Variants in ZNF500 observed in about 807,000 individuals in gnomAD.
The protein encoded by ZNF500 is zinc finger protein 500, also known as zinc finger protein with KRAB and SCAN domains 18.
A neutral mutation model predicts 30.1 loss-of-function variants in ZNF500; 31 were observed. That is an observed-to-expected ratio of 1.03 (90% CI 0.77 to 1.39). ZNF500 has a LOEUF of 1.39. ZNF500 is among the 40% of genes most tolerant of loss of function. ZNF500 has a pLI of 0.00. For synonymous variants in ZNF500, 392 were observed against 282.0 expected, an observed-to-expected ratio of 1.39 and a Z score of -3.91; for missense variants, 817 against 657.8, an observed-to-expected ratio of 1.24 and a Z score of -2.65.
chr16:4,762,782 C>A, intron 2 of ZNF500, 26 bp from the exon 3 acceptor site: 4 of 1,558,178 alleles, frequency 2.6e-6, no homozygotes, highest in East Asian at 2.3e-5. Flanking sequence ...GATCTCCCCA[C>A]CAGCTCCCAG....
chr16:4,756,843 A>T (rs2082140099), intron 5 of ZNF500, among the ~76,000 whole-genome samples: 1 of 152,058 alleles, frequency 6.6e-6, no homozygotes, highest in Non-Finnish European at 1.5e-5. Context: ...TTAGCTGGGC[A>T]TGGTGGCATT....
rs900611660 is a variant in ZNF500, at chr16:4,752,889, G to A, written c.930C>T (p.Gly310=). 2 of 1,613,924 alleles carry A rather than the reference G, an allele frequency of 1.2e-6. No individual in the cohort carries two copies. Among genetic ancestry groups the A allele is most frequent in the East Asian group, 2.2e-5 (1 of 44,876 alleles). The change falls in exon 6 of 6, where the codon GGC becomes GGT. Residue 310 remains glycine, a synonymous_variant. Transcript: ENST00000219478. ...GLVRPDQPRG[G]PPPGRRASHG... ...GGGAAGCCCGTCTTCCTGGTGGGGG[G>A]CCGCCTCTTGGCTGATCAGGCCTGA...
At chr16:4,754,974 C>G (rs2082121656) in intron 5 of ZNF500, among the ~76,000 whole-genome samples, 1 of 152,180 alleles carries the variant, frequency 6.6e-6, no homozygotes, top group Non-Finnish European at 1.5e-5. Flanking sequence ...AGCGGCACCT[C>G]CCCTCGCTCC....
intron 5 of ZNF500, among the ~76,000 whole-genome samples, chr16:4,756,039 C>A (rs556183999): frequency 6.6e-6 from 1 of 152,188 alleles, no homozygotes; most frequent in South Asian, 2.1e-4. Context: ...CTGCCAGAGG[C>A]TAGGGGAGGG....
rs1357921996 is a variant in ZNF500 at position 4,762,302 on chromosome 16, G to A, written c.632C>T (p.Ser211Leu). The change falls in exon 4 of 6, where the codon TCA becomes TTA. Residue 211 changes from serine to leucine, a missense_variant. By Grantham distance (145) the Ser-to-Leu change is moderately radical (BLOSUM62 -2). Coordinates refer to ENST00000219478, the MANE Select transcript of ZNF500 (RefSeq NM_021646.4). ...PPAPRHQEMA[S>L]ASPFLSAWSQ... ...CCAGGCCGAAAGGAAGGGCGAGGCT[G>A]ACGCCATCTCCTGATGCCGGGGAGC... 1 of 1,611,244 alleles carries A rather than the reference G, an allele frequency of 6.2e-7. No homozygotes were observed. Among genetic ancestry groups the A allele is most frequent in the Non-Finnish European group, 8.5e-7 (1 of 1,178,824 alleles).
intron 5 of ZNF500, among the ~76,000 whole-genome samples, chr16:4,759,252 T>C (rs1292420356): frequency 6.7e-6 from 1 of 149,664 alleles, no homozygotes; most frequent in Non-Finnish European, 1.5e-5. Flanking sequence ...CAACCATTGG[T>C]ATGGATGTGG....
chr16:4,747,592 G>C, downstream of ZNF500: 1 of 1,610,396 alleles, frequency 6.2e-7, no homozygotes, highest in Non-Finnish European at 8.5e-7. Flanking sequence ...GGGCAGCCAG[G>C]GAGGCCCTGA....
chr16:4,758,136 G>A (rs568497002), intron 5 of ZNF500, among the ~76,000 whole-genome samples: 1 of 152,146 alleles, frequency 6.6e-6, no homozygotes, highest in South Asian at 2.1e-4. Context: ...GACCTCAGGT[G>A]ATAAACACTC....
chr16:4,746,402 G>C, downstream of ZNF500: 1 of 1,613,020 alleles, frequency 6.2e-7, no homozygotes. Context: ...AGGGCTCCCA[G>C]GCTGGGCCAG....
At position 4,765,760 on chromosome 16, in the gene ZNF500, C is replaced by T. The variant is rs755423775; in HGVS notation, c.219G>A (p.Glu73=). ...GPREALSRLW[E]LCCRWLRPEL... is the part of the protein sequence containing the mutation. Reference sequence around the variant, plus strand: ...CCGGCCGCAGCCAGCGGCAGCACAGCTCCCAGAGGCGGCTCAGGGCCTCCC... The same window carrying T: ...CCGGCCGCAGCCAGCGGCAGCACAGTTCCCAGAGGCGGCTCAGGGCCTCCC... The change falls in exon 2 of 6, where the codon GAG becomes GAA. Residue 73 remains glutamate (E), a synonymous_variant. Transcript: ENST00000219478. 6.2e-7 allele frequency: 1 copy of T among 1,613,000 alleles called. No homozygotes were observed. Among genetic ancestry groups the T allele is most frequent in the Non-Finnish European group, 8.5e-7 (1 of 1,179,874 alleles).
At position 4,752,674 on chromosome 16, in the gene ZNF500, G is replaced by A. The variant is rs143815276; in HGVS notation, c.1145C>T (p.Pro382Leu). Reference protein sequence around the residue: ...QRVHTGEKPYPCPECGKRFSQ... With the variant: ...QRVHTGEKPYLCPECGKRFSQ... ...GAAGCGCTTCCCACACTCGGGGCAC[G>A]GGTAGGGCTTCTCGCCTGTGTGCAC... The change falls in exon 6 of 6, where the codon CCG (proline) becomes CTG (leucine). Residue 382 changes from proline to leucine, a missense_variant. Physicochemically the swap from Pro to Leu is moderately conservative, Grantham distance 98. Transcript: ENST00000219478. 1.2e-4 allele frequency: 191 copies of A among 1,613,888 alleles called. No homozygotes were observed. In the African/African-American group the frequency reaches 1.3e-3, roughly 11 times the overall value.
chr16:4,755,068 A>C (rs1281955995), intron 5 of ZNF500, among the ~76,000 whole-genome samples: 1 of 152,204 alleles, frequency 6.6e-6, no homozygotes. Flanking sequence ...GGCCTCCCCA[A>C]AAGCTGAGCA....
In ZNF500 at chr16:4,752,374, G is replaced by A; in HGVS notation, c.*2C>T. ...CTGGAAAGGGAGTTTCAGGCCTGGT[G>A]ATCAGGCTTTGGCACCGGGGCCTCC... On this transcript the variant is annotated 3_prime_UTR_variant, in exon 6 of 6. Coordinates refer to ENST00000219478, the MANE Select transcript of ZNF500 (RefSeq NM_021646.4). 2 of 1,486,556 alleles carry A rather than the reference G, an allele frequency of 1.3e-6. No individual in the cohort carries two copies. The highest frequency in any genetic ancestry group is 2.4e-5 in the Admixed American group (1 of 42,050). The allele number at this position is 1,486,556 out of a possible 1,614,324, so 92.1% of individuals were successfully genotyped here.
At chr16:4,747,523 C>A (rs752865697), downstream of ZNF500, 4 of 1,612,974 alleles carry the variant, frequency 2.5e-6, no homozygotes, top group Non-Finnish European at 2.5e-6. Flanking sequence ...AGGGGCAGAG[C>A]GCCCAGGCTC....
chr16:4,751,431 G>C lies in ZNF500; in HGVS notation c.*945C>G. 2.7e-6 allele frequency: 2 copies of C among 731,396 alleles called. No individual in the cohort carries two copies. The highest frequency in any genetic ancestry group is 4.3e-6 in the Non-Finnish European group (2 of 463,018). The allele number at this position is 731,396 out of a possible 1,614,324, so 45.3% of individuals were successfully genotyped here. ...CACATCCCAGGCAACATGTCAGGAA[G>C]ATGGAACTCAGGGGTGCTTTCCCGC... is the stretch of plus-strand genomic sequence containing the variant. On this transcript the variant is annotated 3_prime_UTR_variant, in exon 6 of 6. Coordinates refer to ENST00000219478, the MANE Select transcript of ZNF500 (RefSeq NM_021646.4).
chr16:4,745,089 C>T (rs2081997370), downstream of ZNF500: 19 of 1,520,380 alleles, frequency 1.2e-5, no homozygotes, highest in South Asian at 2.2e-4. Flanking sequence ...CTGGGCCTAC[C>T]AAGGGCGGGG....
At chr16:4,759,080 A>C (rs1365803676) in intron 5 of ZNF500, among the ~76,000 whole-genome samples, 1 of 71,418 alleles carries the variant, frequency 1.4e-5, no homozygotes, top group Non-Finnish European at 2.6e-5. Context: ...ATGGTGGCAC[A>C]CACCTGTAAT....
At position 4,748,357 on chromosome 16, in the gene ZNF500, T is replaced by C. The variant is rs965234804; in HGVS notation, c.*4019A>G. 7 of 151,954 alleles carry C rather than the reference T, an allele frequency of 4.6e-5. No individual in the cohort carries two copies. Among genetic ancestry groups the C allele is most frequent in the African/African-American group, 7.3e-5 (3 of 41,364 alleles). 9.4% of individuals were successfully genotyped at this position (151,954 alleles called of 1,614,324 possible). On this transcript the variant is annotated 3_prime_UTR_variant, in exon 6 of 6. Coordinates refer to ENST00000219478, the MANE Select transcript of ZNF500 (RefSeq NM_021646.4). ...TGTGAGCTGCCAGCCTGGCTTTTAA[T>C]GAACTTTTTGAAAGAGGAGTAACGA...
chr16:4,760,405 G>A (rs1306099879), intron 5 of ZNF500, 87 bp downstream of exon 5: 29 of 1,308,132 alleles, frequency 2.2e-5, no homozygotes, highest in Non-Finnish European at 2.8e-5. Flanking sequence ...AGGCCAACTG[G>A]ACCAACAGAA....
Sources: allele counts gnomAD v4.1 joint callset (sites outside exome capture counted in the v4.1 genomes callset), GRCh38; gene constraint gnomAD v4.1.1; transcripts MANE v1.5; gene names NCBI Gene and HGNC (gene_info 2026-07-23, HGNC 2026-07-21).